The following FRMD3 variants were observed in gnomAD, a reference collection of about 807,000 sequenced individuals.
FRMD3 encodes the protein FERM domain containing 3, also known as FERM domain-containing protein 3.
A neutral mutation model predicts 70.2 loss-of-function variants in FRMD3; 33 were observed. That is an observed-to-expected ratio of 0.47 (90% CI 0.36 to 0.63). FRMD3 has a LOEUF of 0.63. FRMD3 is among the 20% of genes least tolerant of loss of function. The pLI is 0.00. For synonymous variants in FRMD3, 279 were observed against 255.9 expected (o/e 1.09, Z -0.86); for missense variants, 632 against 711.4 (o/e 0.89, Z 1.27).
chr9:83,316,405 C>T (rs909724762), intron 6 of FRMD3, among the ~76,000 whole-genome samples: 2 of 152,174 alleles, frequency 1.3e-5, no homozygotes, highest in Non-Finnish European at 2.9e-5. Flanking sequence ...AATCCACCTG[C>T]CTCAGCCTCC....
chr9:83,517,545 C>T (rs1003820955), intron 1 of FRMD3, among the ~76,000 whole-genome samples: 17 of 146,596 alleles, frequency 1.2e-4, no homozygotes, highest in African/African-American at 3.3e-4. Flanking sequence ...GATTCACAGG[C>T]GAATTCTACC....
intron 1 of FRMD3, among the ~76,000 whole-genome samples, chr9:83,475,769 G>A (rs942386196): frequency 3.9e-5 from 6 of 152,096 alleles, no homozygotes; most frequent in African/African-American, 1.4e-4. Flanking sequence ...AAAAAACTAC[G>A]TTTACATGCT....
At chr9:83,476,886 T>G (rs1426089193) in intron 1 of FRMD3, among the ~76,000 whole-genome samples, 1 of 152,224 alleles carries the variant, frequency 6.6e-6, no homozygotes, top group Non-Finnish European at 1.5e-5. Flanking sequence ...TTAGGTAATT[T>G]TTTGGTGAAA....
intron 1 of FRMD3, among the ~76,000 whole-genome samples, chr9:83,399,843 A>C (rs1289078662): frequency 6.6e-6 from 1 of 152,224 alleles, no homozygotes; most frequent in Non-Finnish European, 1.5e-5. Context: ...CTTGATAAAG[A>C]ATGTCTATTA....
At position 83,245,540 on chromosome 9, in the gene FRMD3, A is replaced by AATAAT. The variant is rs1832052411; in HGVS notation, c.*2373_*2377dup. 2.3e-5 allele frequency: 22 copies of AATAAT among 948,882 alleles called. No homozygotes were observed. The highest frequency in any genetic ancestry group is 2.6e-5 in the Non-Finnish European group (21 of 796,744). 58.8% of individuals were successfully genotyped at this position (948,882 alleles called of 1,614,324 possible). ...AAGAGATGTTAGCTGGAAATGTTAA[A>AATAAT]ATAATATATTTATTACTCCTTAAGA... is the stretch of plus-strand genomic sequence containing the variant. On this transcript the variant is annotated 3_prime_UTR_variant, in exon 14 of 14. Transcript: ENST00000304195.
At chr9:83,467,175 T>C (rs1195436808) in intron 1 of FRMD3, among the ~76,000 whole-genome samples, 1 of 152,202 alleles carries the variant, frequency 6.6e-6, no homozygotes, top group Non-Finnish European at 1.5e-5. Flanking sequence ...GGTAAAAAGA[T>C]TTCTCTTACA....
At chr9:83,503,861 G>T (rs1288247454) in intron 1 of FRMD3, among the ~76,000 whole-genome samples, 1 of 152,166 alleles carries the variant, frequency 6.6e-6, no homozygotes, top group African/African-American at 2.4e-5. Flanking sequence ...GGACAGAAAA[G>T]GCACAACTCA....
Position 83,444,225 on chromosome 9 carries a change from GC to G in FRMD3, c.148-54518del, listed in dbSNP as rs559901381. ...AGACCTGTTCACATGGGAGATGCGG[GC>G]TAGACCTGGGCTCAGAGCCAGGCCC... On this transcript the variant is annotated intron_variant, in intron 1 of 13. Coordinates refer to ENST00000304195, the MANE Select transcript of FRMD3 (RefSeq NM_174938.6). Among the ~76,000 whole-genome samples, 131 of 152,312 alleles carry G rather than the reference GC, an allele frequency of 8.6e-4. No homozygotes were observed. The Middle Eastern group carries it at 0.01, about 12-fold the overall frequency.
At chr9:83,327,204 A>G (rs1836053479) in intron 6 of FRMD3, among the ~76,000 whole-genome samples, 1 of 152,154 alleles carries the variant, frequency 6.6e-6, no homozygotes, top group African/African-American at 2.4e-5. Context: ...GACCAACATA[A>G]TGGTCTTCTA....
At chr9:83,361,091 T>C (rs1489359909) in intron 3 of FRMD3, among the ~76,000 whole-genome samples, 2 of 152,194 alleles carry the variant, frequency 1.3e-5, no homozygotes, top group Non-Finnish European at 2.9e-5. Flanking sequence ...ACAAAAATCA[T>C]AGCTGCTCTT....
the FRMD3 span, among the ~76,000 whole-genome samples, chr9:83,554,412 G>A: frequency 6.6e-6 from 1 of 152,202 alleles, no homozygotes. Flanking sequence ...TCTTAGTAGT[G>A]GTTGTGGCCA....
rs1440226209 is a variant in FRMD3, at chr9:83,292,116, C to T, written c.1071-1389G>A. 5.9e-5 allele frequency among the ~76,000 whole-genome samples: 9 copies of T among 152,090 alleles called. No individual in the cohort carries two copies. In the South Asian group the frequency reaches 1.9e-3, roughly 32 times the overall value. On this transcript the variant is annotated intron_variant, in intron 12 of 13. Transcript: ENST00000304195. ...ACCTTAAGTAACTCACTGTCTAGAACCATAATTTTTAAGCTTTCTGGTCTG... is the reference window on the plus strand; with the variant it reads ...ACCTTAAGTAACTCACTGTCTAGAATCATAATTTTTAAGCTTTCTGGTCTG...
intron 6 of FRMD3, among the ~76,000 whole-genome samples, chr9:83,326,959 C>A (rs1315203612): frequency 6.6e-6 from 1 of 152,170 alleles, no homozygotes; most frequent in Non-Finnish European, 1.5e-5. Flanking sequence ...TTTTATTGAT[C>A]CTCCTTTAGC....
At chr9:83,305,774 G>A (rs750013902) in intron 10 of FRMD3, among the ~76,000 whole-genome samples, 5 of 152,182 alleles carry the variant, frequency 3.3e-5, no homozygotes, top group African/African-American at 7.2e-5. Context: ...TTTAGAAGTC[G>A]AATGAGATGA....
At chr9:83,412,205 G>A (rs1485858085) in intron 1 of FRMD3, among the ~76,000 whole-genome samples, 3 of 152,208 alleles carry the variant, frequency 2.0e-5, no homozygotes, top group East Asian at 1.9e-4. Context: ...CTATTCATAC[G>A]TGTTGTTGTG....
Position 83,479,704 on chromosome 9 carries a change from GAA to G in FRMD3, c.147+58379_147+58380del, listed in dbSNP as rs376002131. On this transcript the variant is annotated intron_variant, in intron 1 of 13. Transcript: ENST00000304195. ...AGAAAGAAAGAAAGAAAGAAAGAAA[GAA>G]AGAAAGAAAGAAAGAAAAGAAAGGG... 2.6e-3 allele frequency among the ~76,000 whole-genome samples: 168 copies of G among 64,838 alleles called. 3 individuals carry two copies. The highest frequency in any genetic ancestry group is 0.011 in the East Asian group (27 of 2,524). The allele number at this position is 64,838 out of a possible 152,430, so 42.5% of individuals were successfully genotyped here. A position where few individuals can be genotyped will look rare whatever the true frequency, so the allele number is the denominator to read the frequency against.
chr9:83,290,357 T>C lies in FRMD3; in HGVS notation c.1195+246A>G, dbSNP rs568238150. Among the ~76,000 whole-genome samples the C allele has an allele frequency of 7.9e-5, 12 of 152,102 alleles. No individual in the cohort carries two copies. In the South Asian group the frequency reaches 2.3e-3, roughly 29 times the overall value. On this transcript the variant is annotated intron_variant, in intron 13 of 13. Coordinates refer to ENST00000304195, the MANE Select transcript of FRMD3 (RefSeq NM_174938.6). ...TGGACTGGTGTAGGTCTAACACCAT[T>C]AGTCTTTTCATATATAATTTTAGAA... is the stretch of plus-strand genomic sequence containing the variant.
intron 13 of FRMD3, among the ~76,000 whole-genome samples, chr9:83,283,703 T>G (rs1402497430): frequency 1.3e-5 from 2 of 152,160 alleles, no homozygotes; most frequent in African/African-American, 4.8e-5. Flanking sequence ...CCAGCTACTA[T>G]GTGCTTATCA....
chr9:83,500,502 GCA>G (rs3084172), intron 1 of FRMD3, among the ~76,000 whole-genome samples: 8,528 of 143,674 alleles, frequency 0.059, 330 homozygotes, highest in South Asian at 0.11. Flanking sequence ...GTGTATGCGC[GCA>G]CACACACACA....
Sources: allele counts gnomAD v4.1 joint callset (sites outside exome capture counted in the v4.1 genomes callset), GRCh38; gene constraint gnomAD v4.1.1; transcripts MANE v1.5; gene names NCBI Gene and HGNC (gene_info 2026-07-23, HGNC 2026-07-21).